Variants in TSC22D4 observed in about 807,000 individuals in gnomAD.
TSC22D4 encodes TSC22 domain family member 4.
In TSC22D4, 5 loss-of-function variants were observed where a neutral mutation model predicts 24.9. That is an observed-to-expected ratio of 0.20 (90% CI 0.10 to 0.42). The LOEUF is 0.42. TSC22D4 is among the 10% of genes least tolerant of loss of function. TSC22D4 has a pLI of 1.00. For synonymous variants in TSC22D4, 245 were observed against 243.2 expected, an observed-to-expected ratio of 1.01 and a Z score of -0.07; for missense variants, 469 against 547.9, an observed-to-expected ratio of 0.86 and a Z score of 1.44.
At position 100,466,742 on chromosome 7, in the gene TSC22D4, A is replaced by AG. The variant is rs995261987; in HGVS notation, c.*216dup. The AG allele has an allele frequency of 1.7e-6, 1 of 578,220 alleles. No homozygotes were observed. The highest frequency in any genetic ancestry group is 3.0e-6 in the Non-Finnish European group (1 of 333,660). The allele number at this position is 578,220 out of a possible 1,614,324, so 35.8% of individuals were successfully genotyped here. A position where few individuals can be genotyped will look rare whatever the true frequency, so the allele number is the denominator to read the frequency against. On this transcript the variant is annotated 3_prime_UTR_variant, in exon 5 of 5. Transcript: ENST00000300181. Reference sequence around the variant, plus strand: ...AGGGTGGGGGTTGGTTCCCTCCCAGAGGGGGCTCCCTCTGACGCCCCGTCC... The same window carrying AG: ...AGGGTGGGGGTTGGTTCCCTCCCAGAGGGGGGCTCCCTCTGACGCCCCGTCC...
chr7:100,474,246 G>A lies in TSC22D4; in HGVS notation c.929+28C>T, dbSNP rs745800024. 1.4e-5 allele frequency: 22 copies of A among 1,607,940 alleles called. No homozygotes were observed. Among genetic ancestry groups the A allele is most frequent in the Non-Finnish European group, 1.8e-5 (21 of 1,175,376 alleles). On this transcript the variant is annotated intron_variant, in intron 3 of 4. Transcript: ENST00000300181. This position sits in a 1 kb window ranked among gnomAD's most constrained non-coding sequence, Gnocchi z 4.3. Reference sequence around the variant, plus strand: ...GCTGGGCGGGGAACCTGAACCCCACGCCCCACCACCCCACGAAGCCCACCT... The same window carrying A: ...GCTGGGCGGGGAACCTGAACCCCACACCCCACCACCCCACGAAGCCCACCT...
intron 3 of TSC22D4, among the ~76,000 whole-genome samples, chr7:100,471,219 G>A (rs1349227283): frequency 6.6e-6 from 1 of 151,778 alleles, no homozygotes; most frequent in African/African-American, 2.4e-5. Flanking sequence ...GGGCGGGGCT[G>A]GGGAGGTCGG....
chr7:100,468,808 G>A (rs1799338579), intron 3 of TSC22D4, among the ~76,000 whole-genome samples: 1 of 152,028 alleles, frequency 6.6e-6, no homozygotes, highest in Admixed American at 6.6e-5. Context: ...GTGGTGGAGG[G>A]TGCCAGCAAT....
intron 3 of TSC22D4, among the ~76,000 whole-genome samples, chr7:100,468,646 C>G (rs1419637283): frequency 6.6e-6 from 1 of 152,196 alleles, no homozygotes; most frequent in Non-Finnish European, 1.5e-5. Flanking sequence ...AAGATGAATA[C>G]AGCGTAAAGG....
Position 100,477,848 on chromosome 7 carries a change from G to T in TSC22D4, c.191C>A (p.Pro64Gln). 6.3e-7 allele frequency: 1 copy of T among 1,597,288 alleles called. No individual in the cohort carries two copies. Among genetic ancestry groups the T allele is most frequent in the Non-Finnish European group, 8.5e-7 (1 of 1,174,404 alleles). Residue 64 changes from proline to glutamine, a missense_variant, in exon 2 of 5, where the codon CCA (proline) becomes CAA (glutamine). Transcript: ENST00000300181. The surrounding 1 kb of genome is among the most constrained non-coding windows in gnomAD (Gnocchi z 7.8). Reference sequence around the variant, plus strand: ...GAAACGGGAGGAAGGGGCCCCAGGTGGTGGGGAGCCATTCCGGGGGGTGCC... The same window carrying T: ...GAAACGGGAGGAAGGGGCCCCAGGTTGTGGGGAGCCATTCCGGGGGGTGCC... ...GKGTPRNGSP[P>Q]PGAPSSRFRV...
intron 3 of TSC22D4, chr7:100,468,160 C>G (rs897227068): frequency 3.2e-6 from 1 of 313,024 alleles, no homozygotes; most frequent in Non-Finnish European, 6.4e-6. Flanking sequence ...ACACGGGGAC[C>G]CCCCCTCCTT....
chr7:100,476,016 C>T (rs1799489674), intron 2 of TSC22D4, among the ~76,000 whole-genome samples: 3 of 150,708 alleles, frequency 2.0e-5, no homozygotes, highest in Admixed American at 6.6e-5. Flanking sequence ...AACAGAAGAC[C>T]GTCAGGAGGT....
intron 2 of TSC22D4, among the ~76,000 whole-genome samples, chr7:100,475,659 G>A (rs939631682): frequency 4.6e-5 from 7 of 151,704 alleles, no homozygotes; most frequent in African/African-American, 1.2e-4. Flanking sequence ...CTGCTCCTGC[G>A]CTCTGCCCTA....
In TSC22D4 at chr7:100,474,946, C is replaced by A. The variant is rs1799465751; in HGVS notation, c.763-506G>T. ...CCACCCGAGTAGCTGGGACTACAGG[C>A]ATGCACCATCATAACTGGCTAATTT... is the stretch of plus-strand genomic sequence containing the variant. On this transcript the variant is annotated intron_variant, in intron 2 of 4. Coordinates refer to ENST00000300181, the MANE Select transcript of TSC22D4 (RefSeq NM_030935.5). This position sits in a 1 kb window ranked among gnomAD's most constrained non-coding sequence, Gnocchi z 4.3. Among the ~76,000 whole-genome samples the A allele has an allele frequency of 2.0e-5, 3 of 152,148 alleles. No homozygotes were observed. Among genetic ancestry groups the A allele is most frequent in the African/African-American group, 7.2e-5 (3 of 41,420 alleles).
chr7:100,477,466 G>T lies in TSC22D4; in HGVS notation c.573C>A (p.Pro191=). The change falls in exon 2 of 5, where the codon CCC becomes CCA. Residue 191 remains proline, a synonymous_variant. Transcript: ENST00000300181. The surrounding 1 kb of genome is among the most constrained non-coding windows in gnomAD (Gnocchi z 7.8). ...AEKPPLSASS[P]QQRPPEPETG... Reference sequence around the variant, plus strand: ...TCTCAGGCTCTGGGGGGCGCTGCTGGGGTGAGGAGGCCGACAGTGGGGGTT... The same window carrying T: ...TCTCAGGCTCTGGGGGGCGCTGCTGTGGTGAGGAGGCCGACAGTGGGGGTT... 2.6e-6 allele frequency: 4 copies of T among 1,555,496 alleles called. No homozygotes were observed. The highest frequency in any genetic ancestry group is 3.5e-6 in the Non-Finnish European group (4 of 1,152,446).
Position 100,477,380 on chromosome 7 carries a change from G to C in TSC22D4, c.659C>G (p.Ala220Gly), listed in dbSNP as rs752742245. ...ATPLPSLRVE[A>G]EAGGSGARTP... The stretch of plus-strand genomic sequence containing the variant: ...CCTGGCCCCTGAGCCCCCAGCCTCC[G>C]CTTCCACCCTCAGAGAGGGCAGGGG... The change falls in exon 2 of 5, where the codon GCG (alanine) becomes GGG (glycine). Residue 220 changes from alanine to glycine, a missense_variant. Physicochemically the swap from Ala to Gly is moderately conservative, Grantham distance 60 (BLOSUM62 0). Transcript: ENST00000300181. This position sits in a 1 kb window ranked among gnomAD's most constrained non-coding sequence, Gnocchi z 7.8. 3.8e-6 allele frequency: 6 copies of C among 1,593,248 alleles called. No homozygotes were observed. Among genetic ancestry groups the C allele is most frequent in the East Asian group, 4.5e-5 (2 of 44,648 alleles).
At chr7:100,472,223 C>T (rs1028123165) in intron 3 of TSC22D4, among the ~76,000 whole-genome samples, 3 of 152,120 alleles carry the variant, frequency 2.0e-5, no homozygotes, top group African/African-American at 7.2e-5. Context: ...CTGTGCACAC[C>T]AGACAGGAGA....
At chr7:100,467,452 C>A in intron 4 of TSC22D4, 100 bp downstream of exon 4, 1 of 1,309,850 alleles carries the variant, frequency 7.6e-7, no homozygotes, top group African/African-American at 1.4e-5. Flanking sequence ...GACGGAGGAG[C>A]TGGGAGTTGG....
At chr7:100,470,012 T>C (rs1799363775) in intron 3 of TSC22D4, among the ~76,000 whole-genome samples, 1 of 151,782 alleles carries the variant, frequency 6.6e-6, no homozygotes, top group Non-Finnish European at 1.5e-5. Flanking sequence ...GAGGAGAAGT[T>C]GAAGGGTGGA....
At position 100,477,646 on chromosome 7, in the gene TSC22D4, G is replaced by A; in HGVS notation, c.393C>T (p.Ala131=). The change falls in exon 2 of 5, where the codon GCC becomes GCT. Residue 131 remains alanine, a synonymous_variant. Coordinates refer to ENST00000300181, the MANE Select transcript of TSC22D4 (RefSeq NM_030935.5). This position sits in a 1 kb window ranked among gnomAD's most constrained non-coding sequence, Gnocchi z 7.8. ...GRSLDSRLEL[A]SLGLGAPTPP... is the part of the protein sequence containing the mutation. Reference sequence around the variant, plus strand: ...GGGTGGGGGCGCCCAGGCCGAGGCTGGCCAGCTCCAACCTGGAATCCAAAG... The same window carrying A: ...GGGTGGGGGCGCCCAGGCCGAGGCTAGCCAGCTCCAACCTGGAATCCAAAG... 1 of 1,594,900 alleles carries A rather than the reference G, an allele frequency of 6.3e-7. No homozygotes were observed. Among genetic ancestry groups the A allele is most frequent in the Non-Finnish European group, 8.5e-7 (1 of 1,175,630 alleles).
chr7:100,477,778 G>C lies in TSC22D4; in HGVS notation c.261C>G (p.Arg87=). The change falls in exon 2 of 5, where the codon CGC becomes CGG. Residue 87 remains arginine (R), a synonymous_variant. Transcript: ENST00000300181. This position sits in a 1 kb window ranked among gnomAD's most constrained non-coding sequence, Gnocchi z 7.8. The stretch of plus-strand genomic sequence containing the variant: ...AAACATCCACACACGTCCAGCGACC[G>C]CGGCGATAAGGCTCTCCCAGGCCGT... The part of the protein sequence containing the change: ...LPHGLGEPYR[R]GRWTCVDVYE... 1 of 1,606,598 alleles carries C rather than the reference G, an allele frequency of 6.2e-7. No homozygotes were observed. The highest frequency in any genetic ancestry group is 8.5e-7 in the Non-Finnish European group (1 of 1,179,812).
In TSC22D4 at chr7:100,474,538, C is replaced by T. The variant is rs2131049667; in HGVS notation, c.763-98G>A. The stretch of plus-strand genomic sequence containing the variant: ...ATTAGCCTTCCTCCCTCTCCACCTC[C>T]CCACTCTCTTTCGAGGACCCAGGAG... On this transcript the variant is annotated intron_variant, in intron 2 of 4. Transcript: ENST00000300181. The surrounding 1 kb of genome is among the most constrained non-coding windows in gnomAD (Gnocchi z 4.3). The T allele has an allele frequency of 1.4e-6, 2 of 1,421,790 alleles. No homozygotes were observed. The highest frequency in any genetic ancestry group is 2.6e-5 in the South Asian group (2 of 76,974). The allele number at this position is 1,421,790 out of a possible 1,614,324, so 88.1% of individuals were successfully genotyped here. A position where few individuals can be genotyped will look rare whatever the true frequency, so the allele number is the denominator to read the frequency against.
At chr7:100,471,721 C>CA (rs1461446641) in intron 3 of TSC22D4, among the ~76,000 whole-genome samples, 2 of 151,916 alleles carry the variant, frequency 1.3e-5, no homozygotes, top group Non-Finnish European at 2.9e-5. Flanking sequence ...GCTTGGGAAA[C>CA]AGAGCAAGAC....
At chr7:100,467,865 C>A (rs1228142170) in intron 3 of TSC22D4, 1 of 653,016 alleles carries the variant, frequency 1.5e-6, no homozygotes, top group East Asian at 3.1e-5. Context: ...TTTTTCGGGG[C>A]AGCCCCGGAG....
Sources: allele counts gnomAD v4.1 joint callset (sites outside exome capture counted in the v4.1 genomes callset), GRCh38; gene constraint gnomAD v4.1.1; non-coding constraint Gnocchi (gnomAD v3.1); transcripts MANE v1.5; gene names NCBI Gene and HGNC (gene_info 2026-07-23, HGNC 2026-07-21).